The following SLC14A2 variants were observed in gnomAD, a reference collection of about 807,000 sequenced individuals.
The protein encoded by SLC14A2 is urea transporter 2.
Under a neutral mutation model 104.6 loss-of-function variants are expected in SLC14A2, and 91 were observed. The observed-to-expected ratio is 0.87, with a 90% CI of 0.73 to 1.04. The LOEUF (loss-of-function observed/expected upper bound fraction) is 1.04. Ranked by LOEUF, SLC14A2 falls within the 50% of genes least tolerant of loss-of-function variation. The pLI is 0.00. For synonymous variants in SLC14A2, 476 were observed against 466.4 expected (o/e 1.02, Z -0.27); for missense variants, 1,189 against 1,156.0 (o/e 1.03, Z -0.41).
At chr18:45,521,110 T>C (rs1234752324) in intron 2 of SLC14A2, among the ~76,000 whole-genome samples, 1 of 152,184 alleles carries the variant, frequency 6.6e-6, no homozygotes, top group African/African-American at 2.4e-5. Flanking sequence ...CAGTTCTACA[T>C]CAAGTGACCT....
At chr18:45,243,592 T>G (rs955144959) in intron 1 of SLC14A2, among the ~76,000 whole-genome samples, 1 of 152,192 alleles carries the variant, frequency 6.6e-6, no homozygotes, top group African/African-American at 2.4e-5. Context: ...GAGAGAAAAG[T>G]TTCCAAACAA....
intron 1 of SLC14A2, among the ~76,000 whole-genome samples, chr18:45,267,080 C>T (rs148845512): frequency 1.2e-3 from 185 of 152,232 alleles, no homozygotes; most frequent in African/African-American, 4.2e-3. Context: ...TCATGGACAG[C>T]TTGTTTAGGA....
chr18:45,223,691 G>T (rs2084085666), intron 1 of SLC14A2, among the ~76,000 whole-genome samples: 1 of 152,170 alleles, frequency 6.6e-6, no homozygotes, highest in African/African-American at 2.4e-5. Flanking sequence ...TGGGGACACA[G>T]GTGCCCTCTC....
At chr18:45,299,487 A>C (rs1169466025) in intron 1 of SLC14A2, among the ~76,000 whole-genome samples, 1 of 151,956 alleles carries the variant, frequency 6.6e-6, no homozygotes, top group Non-Finnish European at 1.5e-5. Context: ...TTCGAGATGG[A>C]GTCTTTCTTT....
intron 1 of SLC14A2, among the ~76,000 whole-genome samples, chr18:45,451,980 T>C (rs1004301194): frequency 6.6e-6 from 1 of 151,924 alleles, no homozygotes; most frequent in African/African-American, 2.4e-5. Flanking sequence ...TTGACTGAGA[T>C]GACAAAAAGC....
At chr18:45,449,205 G>T (rs2086819781) in intron 1 of SLC14A2, among the ~76,000 whole-genome samples, 1 of 152,164 alleles carries the variant, frequency 6.6e-6, no homozygotes, top group African/African-American at 2.4e-5. Flanking sequence ...TGTCTGGACA[G>T]TTCACCATCC....
At chr18:45,428,114 A>G (rs2086461447) in intron 1 of SLC14A2, among the ~76,000 whole-genome samples, 1 of 152,194 alleles carries the variant, frequency 6.6e-6, no homozygotes, top group Non-Finnish European at 1.5e-5. Context: ...AGAGAGTCCC[A>G]GAGGGAGAGA....
intron 2 of SLC14A2, among the ~76,000 whole-genome samples, chr18:45,599,134 G>A (rs1032037595): frequency 1.3e-5 from 2 of 152,128 alleles, no homozygotes; most frequent in Non-Finnish European, 2.9e-5. Context: ...AACCCTGGAG[G>A]CATTTTAAAC....
At chr18:45,392,189 C>A (rs9807288) in intron 1 of SLC14A2, among the ~76,000 whole-genome samples, 1 of 152,134 alleles carries the variant, frequency 6.6e-6, no homozygotes. Context: ...GACACTCAAA[C>A]TACCCAAGGC....
intron 1 of SLC14A2, among the ~76,000 whole-genome samples, chr18:45,313,315 G>A (rs1312889127): frequency 6.6e-6 from 1 of 152,120 alleles, no homozygotes; most frequent in Non-Finnish European, 1.5e-5. Context: ...GGAATATGAG[G>A]AATGGGAGCT....
intron 2 of SLC14A2, among the ~76,000 whole-genome samples, chr18:45,584,280 C>G (rs937474928): frequency 6.6e-6 from 1 of 152,144 alleles, no homozygotes; most frequent in Non-Finnish European, 1.5e-5. Flanking sequence ...GTCTTGTGGG[C>G]TAGACTAATT....
At chr18:45,480,974 C>A (rs974843408) in intron 1 of SLC14A2, among the ~76,000 whole-genome samples, 2 of 151,814 alleles carry the variant, frequency 1.3e-5, no homozygotes, top group Non-Finnish European at 2.9e-5. Context: ...ATGAAGCAGA[C>A]AAAGAGACCT....
intron 2 of SLC14A2, among the ~76,000 whole-genome samples, chr18:45,517,054 G>C (rs1175659835): frequency 6.6e-6 from 1 of 152,248 alleles, no homozygotes; most frequent in Non-Finnish European, 1.5e-5. Flanking sequence ...CAAGGACACA[G>C]AGGTGAATGA....
intron 2 of SLC14A2, among the ~76,000 whole-genome samples, chr18:45,545,305 G>A (rs2043953317): frequency 1.3e-5 from 2 of 152,218 alleles, no homozygotes; most frequent in Admixed American, 6.5e-5. Context: ...CATAGGTGGA[G>A]CTGGATGGAA....
In SLC14A2 at chr18:45,453,847, G is replaced by GT. The variant is rs56084837; in HGVS notation, c.-124-29356dup. ...AGTTCCGCTTTCTTTTTTCTTTTCTGTTTTTTTTTTTTTTTTTTTTTTTTT... is the reference window on the plus strand; with the variant it reads ...AGTTCCGCTTTCTTTTTTCTTTTCTGTTTTTTTTTTTTTTTTTTTTTTTTTT... On this transcript the variant is annotated intron_variant, in intron 1 of 20. Transcript: ENST00000586448. Among the ~76,000 whole-genome samples the GT allele has an allele frequency of 3.8e-3, 345 of 91,336 alleles. 15 individuals carry two copies. Among genetic ancestry groups the GT allele is most frequent in the African/African-American group, 5.0e-3 (116 of 23,250 alleles). 59.9% of individuals were successfully genotyped at this position (91,336 alleles called of 152,430 possible). A position where few individuals can be genotyped will look rare whatever the true frequency, so the allele number is the denominator to read the frequency against.
intron 1 of SLC14A2, among the ~76,000 whole-genome samples, chr18:45,429,551 G>A (rs1348674762): frequency 6.6e-6 from 1 of 152,208 alleles, no homozygotes; most frequent in Non-Finnish European, 1.5e-5. Flanking sequence ...TCAAATAACT[G>A]TGATATGGAC....
At chr18:45,576,944 G>A (rs1423105004) in intron 2 of SLC14A2, among the ~76,000 whole-genome samples, 1 of 152,214 alleles carries the variant, frequency 6.6e-6, no homozygotes, top group Non-Finnish European at 1.5e-5. Context: ...GGCAGGGCAA[G>A]TAGGTTTAGG....
chr18:45,259,029 G>A lies in SLC14A2; in HGVS notation c.-125+45838G>A, dbSNP rs78655931. Among the ~76,000 whole-genome samples the A allele has an allele frequency of 6.8e-3, 1,039 of 152,300 alleles. 21 individuals are homozygous for A. The highest frequency in any genetic ancestry group is 0.024 in the African/African-American group (996 of 41,562). ...TATGCTGACACTGGCACACTCACACGTGGATTTCCCTGAGCTCTGGAGCTA... is the reference window on the plus strand; with the variant it reads ...TATGCTGACACTGGCACACTCACACATGGATTTCCCTGAGCTCTGGAGCTA... On this transcript the variant is annotated intron_variant, in intron 1 of 20. Transcript: ENST00000586448.
chr18:45,395,217 T>C (rs1387653193), intron 1 of SLC14A2, among the ~76,000 whole-genome samples: 1 of 152,156 alleles, frequency 6.6e-6, no homozygotes, highest in African/African-American at 2.4e-5. Flanking sequence ...AAGTAGAAAA[T>C]CCTGTCATAG....
Sources: allele counts gnomAD v4.1 joint callset (sites outside exome capture counted in the v4.1 genomes callset), GRCh38; gene constraint gnomAD v4.1.1; transcripts MANE v1.5; gene names NCBI Gene and HGNC (gene_info 2026-07-23, HGNC 2026-07-21).